The following NOP58 variants were observed in gnomAD, a reference collection of about 807,000 sequenced individuals.
The protein encoded by NOP58 is nucleolar protein 58.
Under a neutral mutation model 71.2 loss-of-function variants are expected in NOP58, and 44 were observed. The ratio of observed to expected loss-of-function variants is 0.62; its 90% CI spans 0.49 to 0.79. The LOEUF (loss-of-function observed/expected upper bound fraction) is 0.79, where lower values mean the gene tolerates loss of function less well. Ranked by LOEUF, NOP58 falls within the 30% of genes least tolerant of loss-of-function variation. The pLI, the probability that NOP58 is intolerant of heterozygous loss-of-function variation, is 0.00. For missense variants in NOP58, 538 were observed against 620.2 expected (o/e 0.87, Z 1.41); for synonymous variants, 228 against 200.3 (o/e 1.14, Z -1.17).
intron 14 of NOP58, 114 bp downstream of exon 14, chr2:202,303,171 G>A: frequency 7.4e-7 from 1 of 1,353,316 alleles, no homozygotes; most frequent in East Asian, 2.3e-5. Flanking sequence ...TTCATTGATG[G>A]AGAGGTAAAA....
At chr2:202,266,274 C>A (rs1355307663) in intron 1 of NOP58, among the ~76,000 whole-genome samples, 1 of 151,724 alleles carries the variant, frequency 6.6e-6, no homozygotes, top group Admixed American at 6.6e-5. Context: ...GGACTTTATT[C>A]TAGATGTTTT....
At chr2:202,292,004 T>TG (rs1688909998) in intron 8 of NOP58, among the ~76,000 whole-genome samples, 1 of 117,348 alleles carries the variant, frequency 8.5e-6, no homozygotes, top group Admixed American at 9.1e-5. Flanking sequence ...TTTTTTTTTT[T>TG]GAGACAGAGT....
intron 4 of NOP58, 61 bp downstream of exon 4, chr2:202,282,533 A>G: frequency 1.4e-5 from 21 of 1,496,564 alleles, no homozygotes; most frequent in Non-Finnish European, 1.9e-5. Context: ...ACCAACTACA[A>G]AGCCTAGCCT....
At chr2:202,273,073 C>T (rs1205390724) in intron 1 of NOP58, among the ~76,000 whole-genome samples, 3 of 152,122 alleles carry the variant, frequency 2.0e-5, no homozygotes, top group African/African-American at 7.2e-5. Context: ...TGCAGTGAGC[C>T]GAGATCCTGC....
intron 10 of NOP58, among the ~76,000 whole-genome samples, chr2:202,297,154 C>A (rs1465608671): frequency 2.6e-5 from 4 of 152,078 alleles, no homozygotes; most frequent in Non-Finnish European, 5.9e-5. Flanking sequence ...TTTAAAAAAA[C>A]CTAGTTTGAG....
chr2:202,287,130 C>A (rs1013960961), intron 5 of NOP58, among the ~76,000 whole-genome samples: 1 of 145,232 alleles, frequency 6.9e-6, no homozygotes, highest in Non-Finnish European at 1.5e-5. Flanking sequence ...TACAGTGGCA[C>A]GTGATCTCGG....
At chr2:202,291,603 C>T (rs1272440507) in intron 8 of NOP58, among the ~76,000 whole-genome samples, 2 of 151,876 alleles carry the variant, frequency 1.3e-5, no homozygotes, top group African/African-American at 4.8e-5. Context: ...GTCAGGAGTT[C>T]GAGACCAGCC....
At chr2:202,285,340 CA>C (rs1314303022) in intron 5 of NOP58, among the ~76,000 whole-genome samples, 30 of 133,138 alleles carry the variant, frequency 2.3e-4, no homozygotes, top group African/African-American at 8.5e-4. Flanking sequence ...CCACACCCGG[CA>C]TTTTTTTTTT....
In NOP58 at chr2:202,287,589, A is replaced by T. The variant is rs902914966; in HGVS notation, c.435-71A>T. On this transcript the variant is annotated intron_variant, in intron 5 of 14. Coordinates refer to ENST00000264279, the MANE Select transcript of NOP58 (RefSeq NM_015934.5). Reference sequence around the variant, plus strand: ...TGAGTAAAAACAAAAACAAAAAAAAACTTTAAGGTGTTAATTTAAATGCTT... The same window carrying T: ...TGAGTAAAAACAAAAACAAAAAAAATCTTTAAGGTGTTAATTTAAATGCTT... 18 of 1,215,936 alleles carry T rather than the reference A, an allele frequency of 1.5e-5. 1 individual carries two copies. The highest frequency in any genetic ancestry group is 1.8e-5 in the Non-Finnish European group (15 of 829,142). The allele number at this position is 1,215,936 out of a possible 1,614,324, so 75.3% of individuals were successfully genotyped here.
At position 202,286,339 on chromosome 2, in the gene NOP58, C is replaced by A. The variant is rs546706938; in HGVS notation, c.435-1321C>A. ...TTAACACAGTGAAACCCCGTCTCTA[C>A]TAAAAATACAAAAAAATTAGCCAGG... On this transcript the variant is annotated intron_variant, in intron 5 of 14. Coordinates refer to ENST00000264279, the MANE Select transcript of NOP58 (RefSeq NM_015934.5). Among the ~76,000 whole-genome samples the A allele has an allele frequency of 2.1e-3, 321 of 149,974 alleles. 4 individuals are homozygous for A. The highest frequency in any genetic ancestry group is 1.2e-3 in the Non-Finnish European group (84 of 67,626).
chr2:202,287,371 T>C (rs1574383586), intron 5 of NOP58, among the ~76,000 whole-genome samples: 1 of 152,116 alleles, frequency 6.6e-6, no homozygotes, highest in African/African-American at 2.4e-5. Context: ...CAGTCCAATA[T>C]GACTTTTGTA....
intron 13 of NOP58, 124 bp downstream of exon 13, chr2:202,300,491 G>A: frequency 1.4e-6 from 1 of 702,978 alleles, no homozygotes; most frequent in Non-Finnish European, 2.4e-6. Context: ...CGCTAATGGT[G>A]TTTTAATAAT....
At chr2:202,296,378 A>G (rs185134831) in intron 10 of NOP58, among the ~76,000 whole-genome samples, 56 of 152,002 alleles carry the variant, frequency 3.7e-4, no homozygotes, top group African/African-American at 1.4e-3. Context: ...TAATTTTTGT[A>G]TTTTAAGTAA....
chr2:202,268,898 G>A (rs1172120764), intron 1 of NOP58, among the ~76,000 whole-genome samples: 1 of 151,070 alleles, frequency 6.6e-6, no homozygotes, highest in Non-Finnish European at 1.5e-5. Flanking sequence ...GTGAGCCACT[G>A]CACCTGGCCT....
Position 202,291,137 on chromosome 2 carries a change from A to G in NOP58, c.647A>G (p.Asn216Ser), listed in dbSNP as rs1057323565. The change falls in exon 8 of 15, where the codon AAC (asparagine) becomes AGC (serine). Residue 216 changes from asparagine to serine, a missense_variant. Asn to Ser is a conservative substitution (Grantham distance 46). Transcript: ENST00000264279. The part of the protein sequence containing the change: ...KCLQKVGDRK[N>S]YASAKLSELL... ...AAACATTCCATAGGCGATAGGAAGA[A>G]CTATGCCTCTGCCAAGCTTTCTGAG... is the stretch of plus-strand genomic sequence containing the variant. 1 of 1,608,846 alleles carries G rather than the reference A, an allele frequency of 6.2e-7. No individual in the cohort carries two copies.
intron 4 of NOP58, among the ~76,000 whole-genome samples, chr2:202,282,996 G>A (rs999383677): frequency 1.3e-5 from 2 of 152,088 alleles, no homozygotes; most frequent in African/African-American, 2.4e-5. Context: ...GGAGTATCAC[G>A]AGGTCAGCAG....
intron 1 of NOP58, among the ~76,000 whole-genome samples, chr2:202,269,517 A>G (rs910775574): frequency 6.6e-6 from 1 of 151,896 alleles, no homozygotes; most frequent in African/African-American, 2.4e-5. Flanking sequence ...TAACAGGGTT[A>G]TATATATATA....
chr2:202,275,015 A>AC (rs11397579), intron 1 of NOP58, 98 bp from the exon 2 acceptor site: 615,622 of 619,936 alleles, frequency 0.99, 305,786 homozygotes, highest in East Asian at 1. Flanking sequence ...AATAGCTTCT[A>AC]CACCTTCATT....
chr2:202,298,472 G>A (rs1042967729), intron 12 of NOP58, among the ~76,000 whole-genome samples: 4 of 152,142 alleles, frequency 2.6e-5, no homozygotes, highest in Admixed American at 6.6e-5. Flanking sequence ...CCAACATGGT[G>A]AAACCCCATC....
Sources: gnomAD v4.1 joint callset for allele counts (sites outside exome capture counted in the v4.1 genomes callset) on GRCh38, gnomAD v4.1.1 for gene constraint, MANE v1.5 for transcripts, NCBI Gene and HGNC (gene_info 2026-07-23, HGNC 2026-07-21) for gene names.